The following TBC1D22A variants were observed in gnomAD, a reference collection of about 807,000 sequenced individuals.
TBC1D22A encodes putative GTPase activator.
Under a neutral mutation model 60.2 loss-of-function variants are expected in TBC1D22A, and 38 were observed. The ratio of observed to expected loss-of-function variants is 0.63; its 90% CI spans 0.49 to 0.83. The LOEUF (loss-of-function observed/expected upper bound fraction) is 0.83, where lower values mean the gene tolerates loss of function less well. TBC1D22A is among the 40% of genes least tolerant of loss of function. The probability of loss-of-function intolerance (pLI) is 0.00; values close to 1 mark genes in which losing one functional copy is unlikely to be tolerated. For synonymous variants in TBC1D22A, 302 were observed against 281.7 expected (o/e 1.07, Z -0.72); for missense variants, 628 against 701.0 (o/e 0.90, Z 1.18).
intron 8 of TBC1D22A, among the ~76,000 whole-genome samples, chr22:46,941,448 T>C (rs1227067399): frequency 6.8e-6 from 1 of 146,318 alleles, no homozygotes; most frequent in Non-Finnish European, 1.5e-5. Flanking sequence ...ACACGGAATA[T>C]ATATACGGAA....
In TBC1D22A at chr22:46,797,460, C is replaced by T. The variant is rs531193441; in HGVS notation, c.477C>T (p.Ala159=). Residue 159 remains alanine, a synonymous_variant, in exon 4 of 13, where the codon GCC becomes GCT. Transcript: ENST00000337137. ...TSCPAESASD[A]APLQRSQSLP... is the part of the protein sequence containing the mutation. Reference sequence around the variant, plus strand: ...CCCCTGCAGAAAGTGCCAGCGATGCCGCCCCTCTGCAGAGGTCCCAGTCTC... The same window carrying T: ...CCCCTGCAGAAAGTGCCAGCGATGCTGCCCCTCTGCAGAGGTCCCAGTCTC... The T allele has an allele frequency of 3.9e-5, 63 of 1,612,930 alleles. No homozygotes were observed. The Admixed American group carries it at 7.0e-4, about 18-fold the overall frequency.
Position 46,935,106 on chromosome 22 carries a change from G to C in TBC1D22A, c.1015+22918G>C, listed in dbSNP as rs116333950. 5.3e-3 allele frequency among the ~76,000 whole-genome samples: 814 copies of C among 152,192 alleles called. 7 individuals carry two copies. The highest frequency in any genetic ancestry group is 0.018 in the African/African-American group (728 of 41,502). ...AGTCATCTGTGTGTCAGGCACAGCT[G>C]GTCACTGATATGACTCCCCAAGCAA... is the stretch of plus-strand genomic sequence containing the variant. On this transcript the variant is annotated intron_variant, in intron 8 of 12. Transcript: ENST00000337137.
At chr22:47,152,776 C>T (rs756232787) in intron 12 of TBC1D22A, among the ~76,000 whole-genome samples, 14 of 152,188 alleles carry the variant, frequency 9.2e-5, no homozygotes, top group Non-Finnish European at 1.3e-4. Flanking sequence ...GAGAAAGCAT[C>T]GGCCGTGGCG....
At position 46,822,092 on chromosome 22, in the gene TBC1D22A, C is replaced by G. The variant is rs184061085; in HGVS notation, c.637+24472C>G. Among the ~76,000 whole-genome samples the G allele has an allele frequency of 4.9e-4, 75 of 152,090 alleles. 1 individual carries two copies. Among genetic ancestry groups the G allele is most frequent in the African/African-American group, 1.7e-3 (70 of 41,496 alleles). ...GCTGTGTTTTTCAGCTCCGTCAGGT[C>G]ATTTATGTTCCTCTCTAAACTTGTT... On this transcript the variant is annotated intron_variant, in intron 4 of 12. Transcript: ENST00000337137.
Position 46,837,719 on chromosome 22 carries a change from G to T in TBC1D22A, c.637+40099G>T, listed in dbSNP as rs2086582301. On this transcript the variant is annotated intron_variant, in intron 4 of 12. Coordinates refer to ENST00000337137, the MANE Select transcript of TBC1D22A (RefSeq NM_014346.5). The stretch of plus-strand genomic sequence containing the variant: ...AGCATACCAACACTTCTCAGATACA[G>T]CAAAAGTAGTTTTAAGAGGAAAGTT... Among the ~76,000 whole-genome samples the T allele has an allele frequency of 3.3e-5, 5 of 152,298 alleles. No homozygotes were observed. In the South Asian group the frequency reaches 1.0e-3, roughly 32 times the overall value.
intron 6 of TBC1D22A, among the ~76,000 whole-genome samples, chr22:46,893,219 T>C (rs990564496): frequency 6.6e-6 from 1 of 152,246 alleles, no homozygotes; most frequent in Non-Finnish European, 1.5e-5. Flanking sequence ...GAAGATGCTG[T>C]GTCAAAGCCA....
In TBC1D22A at chr22:47,039,081, A is replaced by G. The variant is rs9615118; in HGVS notation, c.1329+1883A>G. Among the ~76,000 whole-genome samples, 1,386 of 152,322 alleles carry G rather than the reference A, an allele frequency of 9.1e-3. 16 individuals are homozygous for G. The highest frequency in any genetic ancestry group is 0.023 in the African/African-American group (974 of 41,568). On this transcript the variant is annotated intron_variant, in intron 11 of 12. Transcript: ENST00000337137. ...TACGAATAAATTAGGTATTAAGTCAATCGCATTTTTGAGGAGCCAGAAAAT... is the reference window on the plus strand; with the variant it reads ...TACGAATAAATTAGGTATTAAGTCAGTCGCATTTTTGAGGAGCCAGAAAAT...
chr22:46,988,417 T>C (rs2074808896), intron 9 of TBC1D22A, among the ~76,000 whole-genome samples: 1 of 152,242 alleles, frequency 6.6e-6, no homozygotes, highest in Non-Finnish European at 1.5e-5. Context: ...AAATCACTTC[T>C]ATGGCAGCTA....
Position 47,073,497 on chromosome 22 carries a change from C to T in TBC1D22A, c.1329+36299C>T, listed in dbSNP as rs183529173. Among the ~76,000 whole-genome samples the T allele has an allele frequency of 2.8e-4, 43 of 152,176 alleles. No homozygotes were observed. The East Asian group carries it at 7.4e-3, about 26-fold the overall frequency. On this transcript the variant is annotated intron_variant, in intron 11 of 12. Coordinates refer to ENST00000337137, the MANE Select transcript of TBC1D22A (RefSeq NM_014346.5). ...GAGCTCTGCCAGCATGCTGAGGCTG[C>T]GGGGAAAAACCATGAAGCCTCATAA...
At chr22:47,024,273 A>G (rs775116727) in intron 10 of TBC1D22A, among the ~76,000 whole-genome samples, 2 of 152,256 alleles carry the variant, frequency 1.3e-5, no homozygotes, top group African/African-American at 2.4e-5. Context: ...CTCAATTAAT[A>G]TAAAAGAAGG....
At chr22:47,065,472 C>T (rs541147271) in intron 11 of TBC1D22A, among the ~76,000 whole-genome samples, 1 of 152,354 alleles carries the variant, frequency 6.6e-6, no homozygotes, top group African/African-American at 2.4e-5. Context: ...TCCTGCCAGC[C>T]TCCCCTGTGG....
intron 10 of TBC1D22A, among the ~76,000 whole-genome samples, chr22:47,034,068 C>T (rs915179572): frequency 5.9e-5 from 9 of 152,182 alleles, no homozygotes; most frequent in South Asian, 4.1e-4. Flanking sequence ...CCACTTGCCG[C>T]GCTGCCCTTT....
intron 4 of TBC1D22A, among the ~76,000 whole-genome samples, chr22:46,805,477 G>C (rs2085087182): frequency 6.6e-6 from 1 of 152,230 alleles, no homozygotes; most frequent in African/African-American, 2.4e-5. Flanking sequence ...ATGTCCTCAG[G>C]ATCTAAGCTC....
intron 4 of TBC1D22A, among the ~76,000 whole-genome samples, chr22:46,810,894 T>C (rs1235393225): frequency 1.3e-5 from 2 of 152,230 alleles, no homozygotes; most frequent in Non-Finnish European, 2.9e-5. Context: ...TCCGTCCTTT[T>C]GTCCTCATGT....
At chr22:47,033,136 G>A (rs73470005) in intron 10 of TBC1D22A, among the ~76,000 whole-genome samples, 78 of 152,328 alleles carry the variant, frequency 5.1e-4, no homozygotes, top group African/African-American at 1.8e-3. Context: ...CCACGTGTCA[G>A]TGCGCTGGGG....
chr22:46,830,032 C>T (rs1321614597), intron 4 of TBC1D22A, among the ~76,000 whole-genome samples: 1 of 152,214 alleles, frequency 6.6e-6, no homozygotes, highest in African/African-American at 2.4e-5. Context: ...AGAATGTCTG[C>T]CTGGTGCTGT....
intron 1 of TBC1D22A, among the ~76,000 whole-genome samples, chr22:46,785,701 T>G (rs1304277010): frequency 6.6e-6 from 1 of 152,252 alleles, no homozygotes; most frequent in African/African-American, 2.4e-5. Context: ...AATAATATAA[T>G]GTGCATTTCT....
intron 12 of TBC1D22A, among the ~76,000 whole-genome samples, chr22:47,132,830 G>A (rs947802751): frequency 8.6e-5 from 13 of 150,486 alleles, no homozygotes; most frequent in Non-Finnish European, 1.8e-4. Flanking sequence ...CCGAGTGTCC[G>A]CGGAAACGCC....
intron 5 of TBC1D22A, among the ~76,000 whole-genome samples, chr22:46,888,841 G>A (rs2068249734): frequency 6.6e-6 from 1 of 152,186 alleles, no homozygotes; most frequent in Non-Finnish European, 1.5e-5. Flanking sequence ...GAGTAGTTGG[G>A]ATTACAGGCA....
Sources: allele counts gnomAD v4.1 joint callset (sites outside exome capture counted in the v4.1 genomes callset), GRCh38; gene constraint gnomAD v4.1.1; transcripts MANE v1.5; gene names NCBI Gene and HGNC (gene_info 2026-07-23, HGNC 2026-07-21).